Variants in RIPOR2 observed in about 807,000 individuals in gnomAD.
RIPOR2 encodes rho family-interacting cell polarization regulator 2.
RIPOR2 carries 39 observed loss-of-function variants against 114.5 expected under a neutral mutation model. The ratio of observed to expected loss-of-function variants is 0.34; its 90% CI spans 0.26 to 0.44. RIPOR2 has a LOEUF of 0.44. Among genes scored for constraint, RIPOR2 ranks in the 20% least tolerant of loss-of-function variants. The pLI, the probability that RIPOR2 is intolerant of heterozygous loss-of-function variation, is 1.00. For synonymous variants in RIPOR2, 445 were observed against 484.4 expected, an observed-to-expected ratio of 0.92 and a Z score of 1.07; for missense variants, 1,007 against 1,255.1, an observed-to-expected ratio of 0.80 and a Z score of 2.99.
At chr6:24,910,357 G>A (rs1400814639) in intron 1 of RIPOR2, among the ~76,000 whole-genome samples, 1 of 152,156 alleles carries the variant, frequency 6.6e-6, no homozygotes, top group East Asian at 1.9e-4. Flanking sequence ...AGACCCTTGA[G>A]ACTGCCATCC....
chr6:24,877,871 G>C (rs1290308336), intron 1 of RIPOR2, among the ~76,000 whole-genome samples: 1 of 152,132 alleles, frequency 6.6e-6, no homozygotes, highest in Non-Finnish European at 1.5e-5. Context: ...AAGAGAGTAG[G>C]GGTATGAGCC....
intron 1 of RIPOR2, among the ~76,000 whole-genome samples, chr6:25,025,252 G>A (rs1776552712): frequency 6.6e-6 from 1 of 152,108 alleles, no homozygotes; most frequent in African/African-American, 2.4e-5. Context: ...GTCAAGGGGG[G>A]AAAAAGGTAA....
chr6:24,912,461 C>A (rs1023698738), intron 1 of RIPOR2, among the ~76,000 whole-genome samples: 3 of 110,654 alleles, frequency 2.7e-5, no homozygotes, highest in Admixed American at 8.4e-5. Flanking sequence ...ATCCCTTGCC[C>A]CCCCCCTTTT....
intron 1 of RIPOR2, among the ~76,000 whole-genome samples, chr6:24,913,999 G>A (rs1490310567): frequency 6.6e-6 from 1 of 152,130 alleles, no homozygotes; most frequent in African/African-American, 2.4e-5. Flanking sequence ...TTTAATACAA[G>A]TCAGGGTATT....
In RIPOR2 at chr6:24,869,115, G is replaced by A. The variant is rs759005771; in HGVS notation, c.480C>T (p.Arg160=). 6.3e-7 allele frequency: 1 copy of A among 1,587,090 alleles called. No homozygotes were observed. The highest frequency in any genetic ancestry group is 1.8e-5 in the Admixed American group (1 of 57,126). Residue 160 remains arginine, a synonymous_variant, in exon 6 of 22, where the codon CGC becomes CGT. Transcript: ENST00000643898. ...TTACCTTACTTATATGAAACTCCAG[G>A]CGTCTCATGTATCTTTCAATTGTTT... ...QIKTIERYMR[R]LEFHISKVDE... is the part of the protein sequence containing the mutation.
At chr6:24,935,991 T>A, upstream of RIPOR2, 1 of 952,662 alleles carries the variant, frequency 1.0e-6, no homozygotes, top group Non-Finnish European at 1.6e-6. Flanking sequence ...TTCCTTGGGT[T>A]GCCCAAGCCC....
At position 24,818,193 on chromosome 6, in the gene RIPOR2, C is replaced by T. The variant is rs529273607; in HGVS notation, c.2952+349G>A. Reference sequence around the variant, plus strand: ...GGCCAGGTTGATCTCAAACTCCTGACCTCAGGTGATCCACCGGCCTCGGCC... The same window carrying T: ...GGCCAGGTTGATCTCAAACTCCTGATCTCAGGTGATCCACCGGCCTCGGCC... On this transcript the variant is annotated intron_variant, in intron 20 of 21. Transcript: ENST00000643898. 9.2e-5 allele frequency among the ~76,000 whole-genome samples: 14 copies of T among 152,074 alleles called. No homozygotes were observed. In the East Asian group the frequency reaches 2.5e-3, roughly 27 times the overall value.
chr6:25,009,193 G>A (rs1043298247), intron 1 of RIPOR2, among the ~76,000 whole-genome samples: 3 of 152,186 alleles, frequency 2.0e-5, no homozygotes, highest in Non-Finnish European at 4.4e-5. Context: ...AAGGGAAGAG[G>A]AGCTTACTAA....
At chr6:24,973,359 T>C (rs1156588186) in intron 1 of RIPOR2, among the ~76,000 whole-genome samples, 1 of 152,016 alleles carries the variant, frequency 6.6e-6, no homozygotes, top group Admixed American at 6.5e-5. Flanking sequence ...TCCCAGCACT[T>C]TGGGAGGCTG....
intron 1 of RIPOR2, among the ~76,000 whole-genome samples, chr6:25,027,405 C>A (rs143691563): frequency 1.5e-3 from 230 of 152,286 alleles, no homozygotes; most frequent in Non-Finnish European, 2.7e-3. Context: ...GAAAAGTCTA[C>A]GAGCTGGCCT....
At chr6:24,986,466 C>T (rs1457668612) in intron 1 of RIPOR2, among the ~76,000 whole-genome samples, 6 of 151,594 alleles carry the variant, frequency 4.0e-5, no homozygotes, top group Admixed American at 6.6e-5. Flanking sequence ...TTTCTTGAAA[C>T]AATAATTTAG....
chr6:24,872,881 C>G lies in RIPOR2; in HGVS notation c.423G>C (p.Leu141=). 6.3e-7 allele frequency: 1 copy of G among 1,599,476 alleles called. No individual in the cohort carries two copies. Among genetic ancestry groups the G allele is most frequent in the Non-Finnish European group, 8.6e-7 (1 of 1,167,912 alleles). The change falls in exon 4 of 22, where the codon CTG becomes CTC. Residue 141 remains leucine, a splice_region_variant and synonymous_variant. Coordinates refer to ENST00000643898, the MANE Select transcript of RIPOR2 (RefSeq NM_001286445.3). The part of the protein sequence containing the change: ...QLKDMKRNSR[L]GVLYDLDKQI... The stretch of plus-strand genomic sequence containing the variant: ...ATCATAATGACTGCATAGTACCTAC[C>G]AGGCGAGAGTTTCTTTTCATATCTT...
intron 8 of RIPOR2, among the ~76,000 whole-genome samples, chr6:24,860,458 C>T (rs534034280): frequency 4.6e-5 from 7 of 152,172 alleles, no homozygotes; most frequent in African/African-American, 9.6e-5. Flanking sequence ...TTTGAGACAA[C>T]GGGGGAAATC....
At chr6:24,926,729 T>C (rs1770881005) in intron 1 of RIPOR2, among the ~76,000 whole-genome samples, 1 of 152,190 alleles carries the variant, frequency 6.6e-6, no homozygotes, top group African/African-American at 2.4e-5. Context: ...AAATCGCCGT[T>C]ACATAATAAC....
In RIPOR2 at chr6:24,963,008, G is replaced by A. The variant is rs146189478; in HGVS notation, c.76+78843C>T. 3.5e-3 allele frequency among the ~76,000 whole-genome samples: 528 copies of A among 152,200 alleles called. 2 individuals are homozygous for A. The highest frequency in any genetic ancestry group is 0.011 in the African/African-American group (464 of 41,506). On this transcript the variant is annotated intron_variant, in intron 1 of 13. Transcript: ENST00000510784. ...TCTATCCCTTTCTTTGATTGGCTAC[G>A]CAAACCACAGCAGAGAATGCATGTG...
intron 1 of RIPOR2, among the ~76,000 whole-genome samples, chr6:24,988,186 C>CT (rs914247350): frequency 5.3e-5 from 8 of 151,786 alleles, no homozygotes; most frequent in South Asian, 2.1e-4. Context: ...TGAATAGCTT[C>CT]TTTTTTTTTA....
chr6:24,950,397 T>G (rs1042025711), intron 1 of RIPOR2, among the ~76,000 whole-genome samples: 1 of 152,140 alleles, frequency 6.6e-6, no homozygotes, highest in Non-Finnish European at 1.5e-5. Context: ...TTGGAAAAAT[T>G]TGGGCTCTGC....
chr6:24,941,996 C>G (rs903509233), intron 1 of RIPOR2, among the ~76,000 whole-genome samples: 1 of 152,132 alleles, frequency 6.6e-6, no homozygotes, highest in African/African-American at 2.4e-5. Flanking sequence ...ACAATCCTTC[C>G]TCCCAGAATG....
chr6:24,849,730 T>C (rs1187352426), intron 11 of RIPOR2, 72 bp downstream of exon 11: 6 of 1,367,790 alleles, frequency 4.4e-6, no homozygotes, highest in Non-Finnish European at 6.2e-6. Flanking sequence ...GGATGGTCCA[T>C]GCACCAGCTT....
Sources: gnomAD v4.1 joint callset for allele counts (sites outside exome capture counted in the v4.1 genomes callset) on GRCh38, gnomAD v4.1.1 for gene constraint, MANE v1.5 for transcripts, NCBI Gene and HGNC (gene_info 2026-07-23, HGNC 2026-07-21) for gene names.